The following SYNRG variants were observed in gnomAD, a reference collection of about 807,000 sequenced individuals.
The protein encoded by SYNRG is synergin gamma.
In SYNRG, 37 loss-of-function variants were observed where a neutral mutation model predicts 130.9. That is an observed-to-expected ratio of 0.28 (90% CI 0.22 to 0.37). The LOEUF (loss-of-function observed/expected upper bound fraction) is 0.37, where lower values mean the gene tolerates loss of function less well. Ranked by LOEUF, SYNRG falls within the 10% of genes least tolerant of loss-of-function variation. The pLI, the probability that SYNRG is intolerant of heterozygous loss-of-function variation, is 1.00. For missense variants in SYNRG, 1,338 were observed against 1,588.9 expected (o/e 0.84, Z 2.68); for synonymous variants, 539 against 568.1 (o/e 0.95, Z 0.73).
At chr17:37,570,118 G>A (rs947358938) in intron 10 of SYNRG, among the ~76,000 whole-genome samples, 1 of 148,106 alleles carries the variant, frequency 6.8e-6, no homozygotes, top group Non-Finnish European at 1.5e-5. Context: ...TGACTACTAG[G>A]ATAGAAGATA....
At chr17:37,520,031 T>TC in intron 21 of SYNRG, 148 bp downstream of exon 21, 1 of 816,806 alleles carries the variant, frequency 1.2e-6, no homozygotes, top group Non-Finnish European at 2.0e-6. Context: ...ATTAGGAGAC[T>TC]CCATCAAACA....
chr17:37,535,062 TAGA>T (rs763224266), intron 19 of SYNRG, among the ~76,000 whole-genome samples: 4 of 152,056 alleles, frequency 2.6e-5, no homozygotes, highest in Non-Finnish European at 4.4e-5. Context: ...GGGACAGTAA[TAGA>T]GGAGGAAAAT....
At position 37,525,770 on chromosome 17, in the gene SYNRG, A is replaced by G. The variant is rs140037114; in HGVS notation, c.3667-5122T>C. Among the ~76,000 whole-genome samples the G allele has an allele frequency of 5.1e-3, 775 of 152,290 alleles. 13 individuals carry two copies. The highest frequency in any genetic ancestry group is 0.041 in the East Asian group (211 of 5,174). ...ATCACGAGGTCAGGCTTTGGAGACC[A>G]GCCTGGCCAACATGGTGAAACCCCG... On this transcript the variant is annotated intron_variant, in intron 19 of 21. Coordinates refer to ENST00000612223, the MANE Select transcript of SYNRG (RefSeq NM_007247.6).
intron 6 of SYNRG, among the ~76,000 whole-genome samples, chr17:37,578,497 T>G (rs1043226544): frequency 6.6e-6 from 1 of 152,180 alleles, no homozygotes; most frequent in Non-Finnish European, 1.5e-5. Context: ...GCACTACCTT[T>G]GAAATCTGAC....
At position 37,565,603 on chromosome 17, in the gene SYNRG, G is replaced by A. The variant is rs577203963; in HGVS notation, c.1481+3188C>T. ...CCATCCCATCTAGGAAGTGAGGAGC[G>A]CCTCTTCCCGGCTGCCATCACATCT... is the stretch of plus-strand genomic sequence containing the variant. On this transcript the variant is annotated intron_variant, in intron 11 of 21. Transcript: ENST00000612223. Among the ~76,000 whole-genome samples, 69 of 151,294 alleles carry A rather than the reference G, an allele frequency of 4.6e-4. 1 individual carries two copies. In the South Asian group the frequency reaches 0.013, roughly 29 times the overall value.
intron 3 of SYNRG, among the ~76,000 whole-genome samples, chr17:37,590,184 A>AC (rs2062045798): frequency 6.7e-6 from 1 of 150,202 alleles, no homozygotes; most frequent in South Asian, 2.1e-4. Flanking sequence ...AAAAAAAAGA[A>AC]AAGAAAAGAA....
chr17:37,560,394 G>A (rs568803342), intron 13 of SYNRG, among the ~76,000 whole-genome samples: 1 of 149,258 alleles, frequency 6.7e-6, no homozygotes, highest in Admixed American at 6.7e-5. Flanking sequence ...GGAGTGCAGT[G>A]GCATGATCTT....
chr17:37,541,281 A>G, intron 15 of SYNRG: 1 of 985,108 alleles, frequency 1.0e-6, no homozygotes, highest in South Asian at 4.7e-5. Flanking sequence ...ATTAAAGCAG[A>G]AGAGGCAAAC....
intron 6 of SYNRG, among the ~76,000 whole-genome samples, chr17:37,581,577 C>T (rs902645644): frequency 6.6e-6 from 1 of 151,722 alleles, no homozygotes; most frequent in Non-Finnish European, 1.5e-5. Context: ...CACGCCTTAC[C>T]TTGTTTTGTT....
Position 37,554,030 on chromosome 17 carries a change from C to T in SYNRG, c.1693G>A (p.Gly565Arg), listed in dbSNP as rs2058912253. The change falls in exon 14 of 22, where the codon GGA becomes AGA. Residue 565 changes from glycine to arginine, a missense_variant. By Grantham distance (125) the Gly-to-Arg change is moderately radical (BLOSUM62 -2). Coordinates refer to ENST00000612223, the MANE Select transcript of SYNRG (RefSeq NM_007247.6). ...AAATCGGTGAAACCATCATCAGTTC[C>T]TGCAGATCTGAATTCTGCAAAGCTT... ...GESFAEFRSA[G>R]TDDGFTDFKT... is the part of the protein sequence containing the mutation. 6.2e-7 allele frequency: 1 copy of T among 1,604,810 alleles called. No individual in the cohort carries two copies. The highest frequency in any genetic ancestry group is 1.8e-5 in the Admixed American group (1 of 56,610).
chr17:37,597,239 A>C (rs1010010806), intron 2 of SYNRG, among the ~76,000 whole-genome samples: 1 of 152,222 alleles, frequency 6.6e-6, no homozygotes, highest in African/African-American at 2.4e-5. Flanking sequence ...CAGCATCTCC[A>C]TGAAACTTTC....
chr17:37,582,791 G>T (rs2061429422), intron 6 of SYNRG, among the ~76,000 whole-genome samples: 1 of 152,054 alleles, frequency 6.6e-6, no homozygotes, highest in South Asian at 2.1e-4. Flanking sequence ...AGCCTGGGGG[G>T]TCATGGCTGC....
At chr17:37,538,520 C>CA (rs1188585946) in intron 17 of SYNRG, 100 bp from the exon 18 acceptor site, 7 of 716,686 alleles carry the variant, frequency 9.8e-6, no homozygotes, top group South Asian at 5.6e-5. Context: ...CAGGAGGTGT[C>CA]AAAAAATCTC....
chr17:37,570,557 ACT>A, intron 10 of SYNRG, 78 bp downstream of exon 10: 1 of 1,505,284 alleles, frequency 6.6e-7, no homozygotes, highest in Non-Finnish European at 8.9e-7. Flanking sequence ...CCAGTAACCT[ACT>A]CTATGTATCC....
chr17:37,589,473 G>GGT (rs1197584297), intron 3 of SYNRG, among the ~76,000 whole-genome samples: 1 of 152,178 alleles, frequency 6.6e-6, no homozygotes, highest in African/African-American at 2.4e-5. Context: ...ATTTAGGGCC[G>GGT]GGCGCGGTGG....
rs577004085 is a variant in SYNRG, at chr17:37,566,607, T to C, written c.1481+2184A>G. ...CATGACCCTGCCAAATCCCCCTCTGTGAGAAACACCCAAGAATTATCAATA... is the reference window on the plus strand; with the variant it reads ...CATGACCCTGCCAAATCCCCCTCTGCGAGAAACACCCAAGAATTATCAATA... On this transcript the variant is annotated intron_variant, in intron 11 of 21. Coordinates refer to ENST00000612223, the MANE Select transcript of SYNRG (RefSeq NM_007247.6). Among the ~76,000 whole-genome samples, 1,164 of 149,422 alleles carry C rather than the reference T, an allele frequency of 7.8e-3. 18 individuals carry two copies. Among genetic ancestry groups the C allele is most frequent in the African/African-American group, 0.027 (1,076 of 40,408 alleles).
At chr17:37,559,182 A>G (rs2059337317) in intron 13 of SYNRG, among the ~76,000 whole-genome samples, 1 of 152,208 alleles carries the variant, frequency 6.6e-6, no homozygotes, top group East Asian at 1.9e-4. Flanking sequence ...TGTACGCTCT[A>G]GTATTATAGA....
chr17:37,560,445 T>C (rs2059440456), intron 13 of SYNRG, among the ~76,000 whole-genome samples: 1 of 151,556 alleles, frequency 6.6e-6, no homozygotes, highest in Non-Finnish European at 1.5e-5. Context: ...CAAGCGATTC[T>C]TGTGCCTCAA....
intron 11 of SYNRG, among the ~76,000 whole-genome samples, chr17:37,565,881 T>C (rs11651124): frequency 0.68 from 97,305 of 142,922 alleles, 34,967 homozygotes; most frequent in East Asian, 0.9. Flanking sequence ...GGAGCATCTC[T>C]GCCCGGCAGC....
Sources: gnomAD v4.1 joint callset for allele counts (sites outside exome capture counted in the v4.1 genomes callset) on GRCh38, gnomAD v4.1.1 for gene constraint, MANE v1.5 for transcripts, NCBI Gene and HGNC (gene_info 2026-07-23, HGNC 2026-07-21) for gene names.